Variants in PPFIBP1 observed in about 807,000 individuals in gnomAD.
PPFIBP1 encodes PPFIB scaffold protein 1.
In PPFIBP1, 112 loss-of-function variants were observed where a neutral mutation model predicts 137.8. The ratio of observed to expected loss-of-function variants is 0.81; its 90% CI spans 0.70 to 0.95. PPFIBP1 has a LOEUF of 0.95. PPFIBP1 is among the 40% of genes least tolerant of loss of function. PPFIBP1 has a pLI of 0.00. For synonymous variants in PPFIBP1, 378 were observed against 417.3 expected (o/e 0.91, Z 1.15); for missense variants, 1,083 against 1,196.6 (o/e 0.91, Z 1.40).
intron 2 of PPFIBP1, among the ~76,000 whole-genome samples, chr12:27,631,796 TA>T (rs758212047): frequency 3.3e-5 from 5 of 152,230 alleles, no homozygotes; most frequent in African/African-American, 9.6e-5. Flanking sequence ...CAAAGACGAA[TA>T]TTTTTTTCTA....
At chr12:27,644,915 G>GTTT (rs11442125) in intron 4 of PPFIBP1, among the ~76,000 whole-genome samples, 3 of 149,418 alleles carry the variant, frequency 2.0e-5, no homozygotes, top group Non-Finnish European at 3.0e-5. Context: ...TTCAAGCCCT[G>GTTT]TTTTTTTTCT....
At chr12:27,664,884 A>G (rs773788029) in intron 12 of PPFIBP1, among the ~76,000 whole-genome samples, 1 of 152,122 alleles carries the variant, frequency 6.6e-6, no homozygotes, top group African/African-American at 2.4e-5. Flanking sequence ...GGACTCACTG[A>G]AGGGTTTTAA....
In PPFIBP1 at chr12:27,683,851, G is replaced by A. The variant is rs181187789; in HGVS notation, c.2247+1148G>A. Among the ~76,000 whole-genome samples the A allele has an allele frequency of 2.1e-4, 31 of 151,030 alleles. No individual in the cohort carries two copies. In the East Asian group the frequency reaches 5.3e-3, roughly 26 times the overall value. On this transcript the variant is annotated intron_variant, in intron 24 of 29. Coordinates refer to ENST00000228425, the MANE Select transcript of PPFIBP1 (RefSeq NM_003622.4). ...CGCCCAGGCTGGAGTGCAGTGGTGC[G>A]ATCTCGGCTCACTGCAACCTCCCTC...
chr12:27,607,701 T>C (rs1324003176), intron 2 of PPFIBP1, among the ~76,000 whole-genome samples: 4 of 152,108 alleles, frequency 2.6e-5, no homozygotes, highest in South Asian at 2.1e-4. Context: ...CAAAAATCCA[T>C]AGATGATGAT....
chr12:27,589,698 A>G (rs7959652), intron 2 of PPFIBP1, among the ~76,000 whole-genome samples: 41,505 of 152,164 alleles, frequency 0.27, 7,083 homozygotes, highest in Middle Eastern at 0.38. Context: ...CATCTTATTC[A>G]GTGTAGACAG....
At chr12:27,659,779 T>C (rs1470900446) in intron 10 of PPFIBP1, among the ~76,000 whole-genome samples, 2 of 152,166 alleles carry the variant, frequency 1.3e-5, no homozygotes, top group Non-Finnish European at 2.9e-5. Flanking sequence ...CACCACTGTT[T>C]TATAACTTAT....
intron 4 of PPFIBP1, among the ~76,000 whole-genome samples, chr12:27,640,581 A>ACTC (rs1202648940): frequency 5.4e-5 from 7 of 128,456 alleles, no homozygotes; most frequent in African/African-American, 2.0e-4. Flanking sequence ...CTAAACATGT[A>ACTC]CCCGCCCCCC....
At chr12:27,625,373 T>C (rs887387546) in intron 2 of PPFIBP1, among the ~76,000 whole-genome samples, 2 of 152,222 alleles carry the variant, frequency 1.3e-5, no homozygotes, top group African/African-American at 4.8e-5. Flanking sequence ...TTTTATTCTA[T>C]TTTATTTTAA....
chr12:27,680,410 A>T (rs1199956611), intron 21 of PPFIBP1, among the ~76,000 whole-genome samples: 4 of 152,206 alleles, frequency 2.6e-5, no homozygotes, highest in African/African-American at 9.6e-5. Flanking sequence ...CTAGAATCAG[A>T]CCACTTGGAT....
rs1348087091 is a variant in PPFIBP1, at chr12:27,676,669, C to T, written c.1582+70C>T. ...GGAAAAGAGCAGTGTCTTCCCTTCCCTTACTCTTTCATTCATTGATTCATT... is the reference window on the plus strand; with the variant it reads ...GGAAAAGAGCAGTGTCTTCCCTTCCTTTACTCTTTCATTCATTGATTCATT... On this transcript the variant is annotated intron_variant, in intron 18 of 29. Transcript: ENST00000228425. 19 of 1,308,782 alleles carry T rather than the reference C, an allele frequency of 1.5e-5. No individual in the cohort carries two copies. The East Asian group carries it at 4.2e-4, about 29-fold the overall frequency. 81.1% of individuals were successfully genotyped at this position (1,308,782 alleles called of 1,614,324 possible).
chr12:27,594,449 A>T (rs1199876570), intron 2 of PPFIBP1, among the ~76,000 whole-genome samples: 2 of 152,200 alleles, frequency 1.3e-5, no homozygotes, highest in African/African-American at 2.4e-5. Context: ...AAATGCTGGG[A>T]TTACAGGAAT....
chr12:27,655,393 C>A (rs1455726441), intron 8 of PPFIBP1, among the ~76,000 whole-genome samples: 1 of 152,006 alleles, frequency 6.6e-6, no homozygotes, highest in African/African-American at 2.4e-5. Context: ...ACAATGGGAT[C>A]CCTGATGTTG....
At chr12:27,620,776 C>T (rs1427744068) in intron 2 of PPFIBP1, among the ~76,000 whole-genome samples, 1 of 152,052 alleles carries the variant, frequency 6.6e-6, no homozygotes, top group Non-Finnish European at 1.5e-5. Flanking sequence ...ATGAAAAGCA[C>T]TAAAAACAGT....
chr12:27,663,133 C>A (rs1377482561), intron 11 of PPFIBP1, among the ~76,000 whole-genome samples: 1 of 152,208 alleles, frequency 6.6e-6, no homozygotes, highest in Admixed American at 6.5e-5. Flanking sequence ...GGTCTCCCAT[C>A]CTCCAGTAGA....
At chr12:27,534,197 A>C (rs1944721533) in intron 1 of PPFIBP1, among the ~76,000 whole-genome samples, 1 of 152,228 alleles carries the variant, frequency 6.6e-6, no homozygotes, top group Non-Finnish European at 1.5e-5. Context: ...AGATGGGGCT[A>C]GACCCAAAAT....
chr12:27,628,138 C>G (rs569863288), intron 2 of PPFIBP1, among the ~76,000 whole-genome samples: 1 of 152,194 alleles, frequency 6.6e-6, no homozygotes, highest in African/African-American at 2.4e-5. Context: ...AATAAATTTG[C>G]TATTTTGTGA....
intron 4 of PPFIBP1, chr12:27,635,695 C>T (rs2057611202): frequency 7.1e-6 from 1 of 139,944 alleles, no homozygotes; most frequent in African/African-American, 2.6e-5. Flanking sequence ...TGCTCAAAGT[C>T]ATCGCCAAGG....
At chr12:27,525,870 ATTG>A (rs986912481) in intron 1 of PPFIBP1, among the ~76,000 whole-genome samples, 63 of 152,308 alleles carry the variant, frequency 4.1e-4, no homozygotes, top group African/African-American at 1.5e-3. Context: ...CTGGGTCTGT[ATTG>A]TTGTTAGTTC....
chr12:27,561,261 A>T (rs1379124041), intron 1 of PPFIBP1, among the ~76,000 whole-genome samples: 1 of 152,142 alleles, frequency 6.6e-6, no homozygotes, highest in East Asian at 1.9e-4. Flanking sequence ...GGTCACAAAA[A>T]TCCCTGGAGA....
Sources: gnomAD v4.1 joint callset for allele counts (sites outside exome capture counted in the v4.1 genomes callset) on GRCh38, gnomAD v4.1.1 for gene constraint, MANE v1.5 for transcripts, NCBI Gene and HGNC (gene_info 2026-07-23, HGNC 2026-07-21) for gene names.